Variants in RAB38 observed in about 807,000 individuals in gnomAD.
RAB38 encodes RAB38, member RAS oncogene family.
Under a neutral mutation model 18.4 loss-of-function variants are expected in RAB38, and 15 were observed. The observed-to-expected ratio is 0.82, with a 90% CI of 0.55 to 1.26. RAB38 has a LOEUF of 1.26. Ranked by LOEUF, RAB38 falls within the 50% of genes most tolerant of loss-of-function variation. The pLI is 0.00. For missense variants in RAB38, 294 were observed against 267.4 expected (o/e 1.10, Z -0.69); for synonymous variants, 101 against 104.4 (o/e 0.97, Z 0.20).
At chr11:87,819,363 A>C in the RAB38 span, among the ~76,000 whole-genome samples, 1 of 152,142 alleles carries the variant, frequency 6.6e-6, no homozygotes. Flanking sequence ...CAAGTGTGTG[A>C]TTCATATCTG....
the RAB38 span, among the ~76,000 whole-genome samples, chr11:87,927,755 T>G: frequency 6.6e-6 from 1 of 151,976 alleles, no homozygotes. Context: ...TTTTCTGATC[T>G]GCAACATAGG....
At chr11:88,053,138 AATATATATGGAATATATATATACACAC>A in the RAB38 span, among the ~76,000 whole-genome samples, 18 of 58,078 alleles carry the variant, frequency 3.1e-4, no homozygotes, top group South Asian at 5.7e-4. Flanking sequence ...TTATATATAC[AATATATATGGAATATATATATACACAC>A]ATATATATGG....
At chr11:87,858,062 A>T in the RAB38 span, among the ~76,000 whole-genome samples, 1 of 152,172 alleles carries the variant, frequency 6.6e-6, no homozygotes, top group South Asian at 2.1e-4. Context: ...GAAGGGATCC[A>T]GTTTCAGCTT....
the RAB38 span, among the ~76,000 whole-genome samples, chr11:87,922,907 A>G: frequency 6.6e-6 from 1 of 150,812 alleles, no homozygotes; most frequent in African/African-American, 2.4e-5. Context: ...GGAAGGGAGG[A>G]AGGGAGGGAG....
chr11:87,843,787 C>T, the RAB38 span, among the ~76,000 whole-genome samples: 14 of 152,248 alleles, frequency 9.2e-5, no homozygotes, highest in African/African-American at 3.4e-4. Flanking sequence ...TAGTTCTAAG[C>T]AAGGGTTCTA....
At chr11:87,877,782 A>G in the RAB38 span, among the ~76,000 whole-genome samples, 1 of 151,498 alleles carries the variant, frequency 6.6e-6, no homozygotes, top group Non-Finnish European at 1.5e-5. Context: ...TATCATTTTC[A>G]TGGCTGAAAT....
chr11:87,873,935 T>TATATATATATATATATATATAC, the RAB38 span, among the ~76,000 whole-genome samples: 1 of 142,502 alleles, frequency 7.0e-6, no homozygotes, highest in South Asian at 2.2e-4. Context: ...TATATATATA[T>TATATATATATATATATATATAC]ATATATATAT....
chr11:87,930,720 T>A, the RAB38 span, among the ~76,000 whole-genome samples: 1 of 152,338 alleles, frequency 6.6e-6, no homozygotes, highest in African/African-American at 2.4e-5. Context: ...AAGTCTTTAA[T>A]CCATCTTGAA....
At chr11:87,928,645 T>C in the RAB38 span, among the ~76,000 whole-genome samples, 2 of 151,980 alleles carry the variant, frequency 1.3e-5, no homozygotes, top group African/African-American at 2.4e-5. Flanking sequence ...CAATAGTTAA[T>C]AGAAACATAA....
At chr11:87,923,405 T>C in the RAB38 span, among the ~76,000 whole-genome samples, 2 of 151,988 alleles carry the variant, frequency 1.3e-5, no homozygotes, top group Non-Finnish European at 2.9e-5. Flanking sequence ...AGATTCTTAG[T>C]CTTAAATTGG....
the RAB38 span, among the ~76,000 whole-genome samples, chr11:87,905,888 C>A: frequency 1.3e-5 from 2 of 151,940 alleles, no homozygotes; most frequent in Non-Finnish European, 2.9e-5. Flanking sequence ...ACTCTGACTG[C>A]AAATTCCAGT....
chr11:87,868,580 A>AGTGAGG, the RAB38 span, among the ~76,000 whole-genome samples: 1 of 24,598 alleles, frequency 4.1e-5, no homozygotes. Flanking sequence ...GGAGTGAGGG[A>AGTGAGG]GAGAGAGAGA....
At chr11:88,124,826 T>C (rs1004252051) in intron 2 of RAB38, among the ~76,000 whole-genome samples, 2 of 152,236 alleles carry the variant, frequency 1.3e-5, no homozygotes, top group African/African-American at 4.8e-5. Context: ...ACTTGAAATA[T>C]CATGTAACTA....
rs772654967 is a variant in RAB38, at chr11:88,175,286, G to C, written c.99C>G (p.Asn33Lys). 1.2e-6 allele frequency: 2 copies of C among 1,614,240 alleles called. No individual in the cohort carries two copies. Among genetic ancestry groups the C allele is most frequent in the Non-Finnish European group, 1.7e-6 (2 of 1,180,038 alleles). The change falls in exon 1 of 3, where the codon AAC becomes AAG. Residue 33 changes from asparagine (N) to lysine (K), a missense_variant. Transcript: ENST00000243662. ...TTGTGGCCCGGTAGTGCGAAGAGAA[G>C]TTCTGGTGCACGTAGCGCTTGATGA... ...TSIIKRYVHQ[N>K]FSSHYRATIG...
the RAB38 span, among the ~76,000 whole-genome samples, chr11:87,915,508 C>T: frequency 9.9e-5 from 15 of 152,152 alleles, no homozygotes; most frequent in African/African-American, 3.6e-4. Context: ...AGTGCCATGA[C>T]AGTTTACAGA....
the RAB38 span, among the ~76,000 whole-genome samples, chr11:87,926,504 G>A: frequency 7.2e-6 from 1 of 139,406 alleles, no homozygotes; most frequent in Non-Finnish European, 1.5e-5. Flanking sequence ...TAAGTCAAAT[G>A]GTGGTTTTTT....
chr11:88,160,185 A>C (rs1943173101), intron 1 of RAB38, among the ~76,000 whole-genome samples: 2 of 152,134 alleles, frequency 1.3e-5, no homozygotes, highest in South Asian at 4.1e-4. Context: ...GACAGTTCTC[A>C]AAAGAAGATA....
chr11:87,963,476 A>T, the RAB38 span, among the ~76,000 whole-genome samples: 2 of 152,148 alleles, frequency 1.3e-5, no homozygotes, highest in Non-Finnish European at 2.9e-5. Context: ...AAATAATAGG[A>T]CTATAGAAAA....
At chr11:88,133,841 G>T (rs1018062655) in intron 2 of RAB38, among the ~76,000 whole-genome samples, 2 of 152,170 alleles carry the variant, frequency 1.3e-5, no homozygotes, top group Admixed American at 6.5e-5. Context: ...GCTGTCTACT[G>T]AGGAGAGTCC....
Sources: allele counts gnomAD v4.1 joint callset (sites outside exome capture counted in the v4.1 genomes callset), GRCh38; gene constraint gnomAD v4.1.1; transcripts MANE v1.5; gene names NCBI Gene and HGNC (gene_info 2026-07-23, HGNC 2026-07-21).